Variants in KIDINS220 observed in about 807,000 individuals in gnomAD.
The protein encoded by KIDINS220 is kinase D interacting substrate 220, also known as kinase D-interacting substrate of 220 kDa.
In KIDINS220, 63 loss-of-function variants were observed where a neutral mutation model predicts 157.6. The observed-to-expected ratio is 0.40, with a 90% CI of 0.33 to 0.49. The LOEUF (loss-of-function observed/expected upper bound fraction) is 0.49. Among genes scored for constraint, KIDINS220 ranks in the 20% least tolerant of loss-of-function variants. The pLI is 0.66. For missense variants in KIDINS220, 1,772 were observed against 2,171.2 expected (o/e 0.82, Z 3.65); for synonymous variants, 732 against 783.6 (o/e 0.93, Z 1.10).
chr2:8,776,335 A>C lies in KIDINS220; in HGVS notation c.2848+413T>G, dbSNP rs1444516861. Among the ~76,000 whole-genome samples, 4 of 152,210 alleles carry C rather than the reference A, an allele frequency of 2.6e-5. No individual in the cohort carries two copies. In the East Asian group the frequency reaches 7.7e-4, roughly 29 times the overall value. On this transcript the variant is annotated intron_variant, in intron 21 of 29. Coordinates refer to ENST00000256707, the MANE Select transcript of KIDINS220 (RefSeq NM_020738.4). Reference sequence around the variant, plus strand: ...AGGCAGAATTCCATGCAGGGACTTCAGGCACAGGGCAATAATCCTCAATTT... The same window carrying C: ...AGGCAGAATTCCATGCAGGGACTTCCGGCACAGGGCAATAATCCTCAATTT...
chr2:8,778,220 C>A (rs998981565), intron 20 of KIDINS220, among the ~76,000 whole-genome samples: 4 of 152,160 alleles, frequency 2.6e-5, no homozygotes, highest in Admixed American at 1.3e-4. Flanking sequence ...AAAGAGTGAG[C>A]GTCCCACAAG....
At chr2:8,728,005 T>C (rs148112512), downstream of KIDINS220, among the ~76,000 whole-genome samples, 8 of 152,322 alleles carry the variant, frequency 5.3e-5, no homozygotes, top group Middle Eastern at 3.4e-3. Flanking sequence ...TGATACATTA[T>C]CAGAACTATC....
At chr2:8,762,791 TA>T (rs1017654600) in intron 22 of KIDINS220, among the ~76,000 whole-genome samples, 55 of 151,738 alleles carry the variant, frequency 3.6e-4, no homozygotes, top group Non-Finnish European at 5.9e-4. Context: ...AAAAGTTACC[TA>T]AAAAAAATTA....
chr2:8,788,699 A>G lies in KIDINS220; in HGVS notation c.1735T>C (p.Phe579Leu). ...GYLELLLKLM[F>L]VNPPELPEQT... ...TCTGGCAACTCAGGTGGATTCACAAACATCAATTTAAGGAGGAGTTCCAAA... is the reference window on the plus strand; with the variant it reads ...TCTGGCAACTCAGGTGGATTCACAAGCATCAATTTAAGGAGGAGTTCCAAA... Residue 579 changes from phenylalanine to leucine, a missense_variant, in exon 15 of 30, where the codon TTT becomes CTT. By Grantham distance (22) the Phe-to-Leu change is conservative (BLOSUM62 0). Around this residue, in one of 3 missense-constraint regions of KIDINS220, gnomAD observed 725 missense variants for 1,017.1 expected, o/e 0.71. Coordinates refer to ENST00000256707, the MANE Select transcript of KIDINS220 (RefSeq NM_020738.4). 6.2e-7 allele frequency: 1 copy of G among 1,614,224 alleles called. No individual in the cohort carries two copies. Among genetic ancestry groups the G allele is most frequent in the Non-Finnish European group, 8.5e-7 (1 of 1,180,012 alleles).
chr2:8,808,325 C>A (rs1327210682), intron 6 of KIDINS220, among the ~76,000 whole-genome samples: 1 of 151,978 alleles, frequency 6.6e-6, no homozygotes, highest in African/African-American at 2.4e-5. Context: ...AGAAAATCAC[C>A]CTTCATAAAG....
intron 14 of KIDINS220, 45 bp downstream of exon 14, chr2:8,789,835 T>C: frequency 7.2e-7 from 1 of 1,386,140 alleles, no homozygotes; most frequent in Non-Finnish European, 9.9e-7. Context: ...CTATGAATCT[T>C]AACGTTTTCT....
chr2:8,737,024 G>A (rs752219781), intron 26 of KIDINS220, 25 bp from the exon 27 acceptor site: 2 of 1,611,862 alleles, frequency 1.2e-6, no homozygotes, highest in South Asian at 1.1e-5. Flanking sequence ...GAAAAATACA[G>A]GTATGAATAA....
chr2:8,829,357 A>C (rs1456417905), intron 1 of KIDINS220, among the ~76,000 whole-genome samples: 1 of 152,232 alleles, frequency 6.6e-6, no homozygotes. Flanking sequence ...ATATATTCAG[A>C]ACAACTTGAA....
intron 17 of KIDINS220, among the ~76,000 whole-genome samples, chr2:8,782,808 T>C (rs1671884625): frequency 6.6e-6 from 1 of 152,128 alleles, no homozygotes. Context: ...GCAAAATGTA[T>C]AAAAAGAATT....
intron 22 of KIDINS220, among the ~76,000 whole-genome samples, chr2:8,752,072 G>C (rs1667439855): frequency 1.3e-5 from 2 of 151,830 alleles, no homozygotes; most frequent in African/African-American, 4.8e-5. Flanking sequence ...CCAGGCTGGA[G>C]TGCAGTGGTG....
intron 22 of KIDINS220, among the ~76,000 whole-genome samples, chr2:8,755,193 T>C (rs527891001): frequency 6.6e-6 from 1 of 152,354 alleles, no homozygotes; most frequent in Admixed American, 6.5e-5. Context: ...AGGAGCTGGC[T>C]ACACCCTTCC....
intron 1 of KIDINS220, among the ~76,000 whole-genome samples, chr2:8,827,479 T>C (rs1444813297): frequency 6.6e-6 from 1 of 152,200 alleles, no homozygotes; most frequent in Non-Finnish European, 1.5e-5. Flanking sequence ...AAATTGTTCA[T>C]GACTTACCTC....
chr2:8,834,482 T>C (rs938121035), intron 1 of KIDINS220, among the ~76,000 whole-genome samples: 3 of 151,422 alleles, frequency 2.0e-5, no homozygotes, highest in Admixed American at 6.6e-5. Flanking sequence ...CCCCCTCTAC[T>C]ATATCCCCCT....
chr2:8,779,249 T>A (rs768487248), intron 18 of KIDINS220, 110 bp from the exon 19 acceptor site: 1 of 1,344,624 alleles, frequency 7.4e-7, no homozygotes, highest in Non-Finnish European at 1.0e-6. Context: ...TCTAAACTAC[T>A]ATTTCTTTTC....
At chr2:8,732,646 TAAG>T (rs1223211339) in intron 29 of KIDINS220, among the ~76,000 whole-genome samples, 1 of 152,160 alleles carries the variant, frequency 6.6e-6, no homozygotes, top group East Asian at 1.9e-4. Flanking sequence ...CAAGAAAGTT[TAAG>T]AAGGGTCAAG....
At chr2:8,764,838 G>C (rs1669248940) in intron 22 of KIDINS220, among the ~76,000 whole-genome samples, 1 of 152,106 alleles carries the variant, frequency 6.6e-6, no homozygotes, top group African/African-American at 2.4e-5. Flanking sequence ...CTGATCACTT[G>C]TCTAGAAGCA....
intron 26 of KIDINS220, among the ~76,000 whole-genome samples, chr2:8,741,170 A>G (rs1665570328): frequency 6.6e-6 from 1 of 152,206 alleles, no homozygotes; most frequent in African/African-American, 2.4e-5. Context: ...GCTATTATTC[A>G]CCTGATTGGA....
At chr2:8,758,695 T>G (rs1324601049) in intron 22 of KIDINS220, among the ~76,000 whole-genome samples, 1 of 152,156 alleles carries the variant, frequency 6.6e-6, no homozygotes, top group Non-Finnish European at 1.5e-5. Flanking sequence ...TGTACGCATT[T>G]ACAGCCATAA....
chr2:8,785,629 A>C (rs1672287612), intron 17 of KIDINS220, 112 bp downstream of exon 17: 2 of 923,882 alleles, frequency 2.2e-6, no homozygotes, highest in Non-Finnish European at 3.3e-6. Context: ...ATTAAACTAA[A>C]ATAAATGCAA....
Sources: allele counts gnomAD v4.1 joint callset (sites outside exome capture counted in the v4.1 genomes callset), GRCh38; gene constraint gnomAD v4.1.1; regional missense constraint gnomAD v4.1.1; transcripts MANE v1.5; gene names NCBI Gene and HGNC (gene_info 2026-07-23, HGNC 2026-07-21).